MYO1D: variants seen among roughly 807,000 people sequenced by gnomAD.
MYO1D encodes the protein unconventional myosin-Id.
Under a neutral mutation model 122.0 loss-of-function variants are expected in MYO1D, and 83 were observed. The ratio of observed to expected loss-of-function variants is 0.68; its 90% confidence interval spans 0.57 to 0.82. The LOEUF (loss-of-function observed/expected upper bound fraction) is 0.82, where lower values mean the gene tolerates loss of function less well. Among genes scored for constraint, MYO1D ranks in the 40% least tolerant of loss-of-function variants. The pLI, the probability that MYO1D is intolerant of heterozygous loss-of-function variation, is 0.00. For missense variants in MYO1D, 1,157 were observed against 1,269.5 expected, an observed-to-expected ratio of 0.91 and a Z score of 1.35; for synonymous variants, 464 against 446.9, an observed-to-expected ratio of 1.04 and a Z score of -0.48.
intron 1 of MYO1D, among the ~76,000 whole-genome samples, chr17:32,834,430 G>A (rs2090802437): frequency 6.6e-6 from 1 of 152,174 alleles, no homozygotes; most frequent in African/African-American, 2.4e-5. Context: ...CTGGCCCCCA[G>A]TTCTCCAAGC....
chr17:32,560,456 A>T (rs1376787007), intron 21 of MYO1D, among the ~76,000 whole-genome samples: 3 of 147,660 alleles, frequency 2.0e-5, no homozygotes, highest in Non-Finnish European at 4.5e-5. Context: ...AGTAGTCCAC[A>T]AAAGTTACTG....
At chr17:32,686,197 T>C (rs1305612765) in intron 16 of MYO1D, 1 of 152,142 alleles carries the variant, frequency 6.6e-6, no homozygotes, top group East Asian at 1.9e-4. Context: ...GATTTTGAGA[T>C]GGGCAGATTA....
chr17:32,569,169 T>G (rs1032848739), intron 21 of MYO1D, among the ~76,000 whole-genome samples: 27 of 152,248 alleles, frequency 1.8e-4, no homozygotes, highest in African/African-American at 5.8e-4. Context: ...CTGACTGTCC[T>G]GGTGTCATAG....
intron 1 of MYO1D, among the ~76,000 whole-genome samples, chr17:32,843,957 G>A (rs2090909401): frequency 6.6e-6 from 1 of 151,322 alleles, no homozygotes; most frequent in African/African-American, 2.4e-5. Flanking sequence ...TTACTTCTAG[G>A]AATCTATATT....
At chr17:32,570,637 C>A (rs781183263) in intron 21 of MYO1D, among the ~76,000 whole-genome samples, 3 of 152,168 alleles carry the variant, frequency 2.0e-5, no homozygotes, top group African/African-American at 4.8e-5. Flanking sequence ...CAGGCGTGAG[C>A]CACTGCGCCT....
At chr17:32,731,828 G>A (rs924281005) in intron 14 of MYO1D, among the ~76,000 whole-genome samples, 3 of 152,198 alleles carry the variant, frequency 2.0e-5, no homozygotes, top group Non-Finnish European at 4.4e-5. Context: ...GAGCAGGCAG[G>A]AGCCCCAACC....
At chr17:32,719,594 C>T (rs1487795226) in intron 15 of MYO1D, among the ~76,000 whole-genome samples, 1 of 152,040 alleles carries the variant, frequency 6.6e-6, no homozygotes, top group Admixed American at 6.5e-5. Context: ...TCATGATCTG[C>T]CCCCCTCAGC....
At chr17:32,568,937 C>T (rs1046444881) in intron 21 of MYO1D, among the ~76,000 whole-genome samples, 1 of 152,170 alleles carries the variant, frequency 6.6e-6, no homozygotes, top group East Asian at 1.9e-4. Context: ...ATGTGTATTG[C>T]CCTCTCTAGA....
intron 3 of MYO1D, among the ~76,000 whole-genome samples, chr17:32,777,019 G>A (rs1054179446): frequency 6.6e-6 from 1 of 152,148 alleles, no homozygotes; most frequent in African/African-American, 2.4e-5. Context: ...TTAAAAATAT[G>A]TGTGTGGGGG....
At chr17:32,719,902 A>G (rs564092321) in intron 15 of MYO1D, among the ~76,000 whole-genome samples, 22 of 152,254 alleles carry the variant, frequency 1.4e-4, no homozygotes, top group African/African-American at 4.8e-4. Flanking sequence ...TACATTTGGC[A>G]TCTAAAATGC....
chr17:32,716,489 A>C (rs1405717932), intron 15 of MYO1D, among the ~76,000 whole-genome samples: 1 of 152,222 alleles, frequency 6.6e-6, no homozygotes, highest in African/African-American at 2.4e-5. Context: ...GAGGCAATAG[A>C]TATTTGCAGA....
At chr17:32,656,278 T>C (rs2088475747) in intron 17 of MYO1D, among the ~76,000 whole-genome samples, 1 of 152,048 alleles carries the variant, frequency 6.6e-6, no homozygotes, top group African/African-American at 2.4e-5. Context: ...ACCAAATAAA[T>C]ATAAAAATAA....
At chr17:32,611,030 C>A (rs952176252) in intron 20 of MYO1D, among the ~76,000 whole-genome samples, 3 of 152,170 alleles carry the variant, frequency 2.0e-5, no homozygotes, top group East Asian at 3.9e-4. Flanking sequence ...CTGATTGCAA[C>A]CCATTTCAAT....
chr17:32,760,820 G>A (rs1171755013), intron 8 of MYO1D, among the ~76,000 whole-genome samples, 193 bp from the exon 9 acceptor site: 1 of 152,100 alleles, frequency 6.6e-6, no homozygotes, highest in African/African-American at 2.4e-5. Context: ...CAAAACTAAA[G>A]TAAATAGCTT....
At chr17:32,748,097 A>G (rs1189360112) in intron 12 of MYO1D, among the ~76,000 whole-genome samples, 1 of 152,174 alleles carries the variant, frequency 6.6e-6, no homozygotes, top group Non-Finnish European at 1.5e-5. Context: ...ATTGTGGTTA[A>G]TTTGTTACAG....
At chr17:32,766,178 C>T (rs372066907) in intron 7 of MYO1D, among the ~76,000 whole-genome samples, 1 of 152,002 alleles carries the variant, frequency 6.6e-6, no homozygotes, top group African/African-American at 2.4e-5. Flanking sequence ...TGAGCAACCC[C>T]GCCCAGCTGA....
At chr17:32,612,696 C>CAAAAAAAAAAAAAAA (rs1158470135) in intron 20 of MYO1D, among the ~76,000 whole-genome samples, 36 of 104,526 alleles carry the variant, frequency 3.4e-4, no homozygotes, top group Non-Finnish European at 4.8e-4. Context: ...AAAAAAAAAA[C>CAAAAAAAAAAAAAAA]AAAAAAAAAA....
intron 2 of MYO1D, 64 bp from the exon 3 acceptor site, chr17:32,778,637 A>G (rs2090204572): frequency 2.2e-6 from 3 of 1,369,166 alleles, no homozygotes; most frequent in Non-Finnish European, 3.1e-6. Context: ...CTAATTTTTA[A>G]TAGAATAATT....
chr17:32,617,050 G>A (rs567887416), intron 20 of MYO1D, among the ~76,000 whole-genome samples: 8 of 152,248 alleles, frequency 5.3e-5, no homozygotes, highest in South Asian at 2.1e-4. Flanking sequence ...GCATGGTGGC[G>A]CATGCCTGTA....
Sources: allele counts gnomAD v4.1 joint callset (sites outside exome capture counted in the v4.1 genomes callset), GRCh38; gene constraint gnomAD v4.1.1; transcripts MANE v1.5; gene names NCBI Gene and HGNC (gene_info 2026-07-23, HGNC 2026-07-21).